The following PTPRK variants were observed in gnomAD, a reference collection of about 807,000 sequenced individuals.
PTPRK encodes receptor-type tyrosine-protein phosphatase kappa.
In PTPRK, 75 loss-of-function variants were observed where a neutral mutation model predicts 178.0. The observed-to-expected ratio is 0.42, with a 90% CI of 0.35 to 0.51. The LOEUF is 0.51. Among genes scored for constraint, PTPRK ranks in the 20% least tolerant of loss-of-function variants. The probability of loss-of-function intolerance (pLI) is 0.02; values close to 1 mark genes in which losing one functional copy is unlikely to be tolerated. For synonymous variants in PTPRK, 637 were observed against 620.6 expected, an observed-to-expected ratio of 1.03 and a Z score of -0.39; for missense variants, 1,441 against 1,797.8, an observed-to-expected ratio of 0.80 and a Z score of 3.59.
rs1286876168 is a variant in PTPRK, at chr6:128,152,443, T to A, written c.1162+31989A>T. 6.6e-5 allele frequency among the ~76,000 whole-genome samples: 10 copies of A among 151,818 alleles called. No individual in the cohort carries two copies. In the East Asian group the frequency reaches 1.6e-3, roughly 24 times the overall value. ...GAGGGATATCAGGGGAGAGGCACCC[T>A]AGCTGGAGTGAGTACACTGGTGAAA... is the stretch of plus-strand genomic sequence containing the variant. On this transcript the variant is annotated intron_variant, in intron 7 of 29. Transcript: ENST00000368226.
intron 6 of PTPRK, among the ~76,000 whole-genome samples, chr6:128,213,744 T>C (rs575751933): frequency 6.6e-6 from 1 of 152,126 alleles, no homozygotes; most frequent in East Asian, 1.9e-4. Flanking sequence ...TTGCTTCTTA[T>C]ATAAAAACAC....
At chr6:128,159,391 T>A (rs1488626431) in intron 7 of PTPRK, among the ~76,000 whole-genome samples, 1 of 151,842 alleles carries the variant, frequency 6.6e-6, no homozygotes, top group African/African-American at 2.4e-5. Context: ...GTGATTTTCA[T>A]CACCTTCTGG....
At chr6:128,308,026 A>C (rs1410814830) in intron 3 of PTPRK, among the ~76,000 whole-genome samples, 1 of 152,184 alleles carries the variant, frequency 6.6e-6, no homozygotes, top group Admixed American at 6.5e-5. Flanking sequence ...CAACCCAACT[A>C]TCCATAGACA....
At chr6:128,376,444 G>A (rs925807374) in intron 2 of PTPRK, among the ~76,000 whole-genome samples, 1 of 152,166 alleles carries the variant, frequency 6.6e-6, no homozygotes, top group African/African-American at 2.4e-5. Flanking sequence ...AGGTCCCTAG[G>A]CTGCACAGAG....
chr6:128,377,395 C>G (rs950502473), intron 2 of PTPRK, among the ~76,000 whole-genome samples: 1 of 152,098 alleles, frequency 6.6e-6, no homozygotes, highest in South Asian at 2.1e-4. Context: ...TTCACTAACA[C>G]GAGAATAGCA....
At chr6:128,214,445 T>C (rs1315276510) in intron 6 of PTPRK, among the ~76,000 whole-genome samples, 1 of 152,124 alleles carries the variant, frequency 6.6e-6, no homozygotes, top group Admixed American at 6.5e-5. Flanking sequence ...CTGAATAAAA[T>C]AAACAACTAA....
rs1281584848 is a variant in PTPRK at position 127,968,988 on chromosome 6, C to T, written c.*1239G>A. 7.9e-5 allele frequency: 12 copies of T among 152,152 alleles called. No individual in the cohort carries two copies. The highest frequency in any genetic ancestry group is 1.3e-4 in the Admixed American group (2 of 15,276). The allele number at this position is 152,152 out of a possible 1,614,324, so 9.4% of individuals were successfully genotyped here. A position where few individuals can be genotyped will look rare whatever the true frequency, so the allele number is the denominator to read the frequency against. ...TTCACTTAAGAATCCCATGACAATG[C>T]GCAAAACAGGAATCTGGCATTGATT... is the stretch of plus-strand genomic sequence containing the variant. On this transcript the variant is annotated 3_prime_UTR_variant, in exon 30 of 30. Coordinates refer to ENST00000368226, the MANE Select transcript of PTPRK (RefSeq NM_002844.4).
At chr6:128,390,815 C>T (rs1839440145) in intron 2 of PTPRK, among the ~76,000 whole-genome samples, 1 of 152,278 alleles carries the variant, frequency 6.6e-6, no homozygotes, top group Non-Finnish European at 1.5e-5. Flanking sequence ...TTAGAAGATA[C>T]ATGTCATGTC....
intron 1 of PTPRK, among the ~76,000 whole-genome samples, chr6:128,503,055 C>A (rs796296272): frequency 6.6e-6 from 1 of 152,046 alleles, no homozygotes; most frequent in Non-Finnish European, 1.5e-5. Context: ...GTGAAACCCC[C>A]GCCTCTACTA....
intron 7 of PTPRK, among the ~76,000 whole-genome samples, chr6:128,155,582 G>A (rs1294154461): frequency 6.6e-6 from 1 of 150,858 alleles, no homozygotes; most frequent in Non-Finnish European, 1.5e-5. Flanking sequence ...GTAACTGCAG[G>A]TTTTGCCATT....
chr6:128,279,428 A>G (rs1821330041), intron 3 of PTPRK, among the ~76,000 whole-genome samples: 1 of 152,308 alleles, frequency 6.6e-6, no homozygotes, highest in African/African-American at 2.4e-5. Context: ...AAAACACAAA[A>G]TAACTGGACT....
chr6:128,060,280 T>C (rs1465362650), intron 13 of PTPRK, among the ~76,000 whole-genome samples: 3 of 152,176 alleles, frequency 2.0e-5, no homozygotes, highest in Non-Finnish European at 4.4e-5. Flanking sequence ...TATTCAGAGC[T>C]ATTATTTCTA....
chr6:128,263,083 G>A (rs1486584525), intron 3 of PTPRK, among the ~76,000 whole-genome samples: 1 of 152,036 alleles, frequency 6.6e-6, no homozygotes, highest in Non-Finnish European at 1.5e-5. Context: ...GGAAGCGAGT[G>A]CTCACCCCAC....
chr6:128,488,351 C>T (rs1853270695), intron 1 of PTPRK, among the ~76,000 whole-genome samples: 1 of 152,204 alleles, frequency 6.6e-6, no homozygotes. Flanking sequence ...TCCCAAACCA[C>T]TGACTCAAAC....
intron 5 of PTPRK, 96 bp from the exon 6 acceptor site, chr6:128,219,192 G>A: frequency 1.7e-6 from 2 of 1,186,386 alleles, no homozygotes; most frequent in Admixed American, 2.6e-5. Flanking sequence ...AATTATTCTT[G>A]TTGCAAAAGA....
At chr6:128,124,200 C>T (rs976362597) in intron 7 of PTPRK, among the ~76,000 whole-genome samples, 4 of 151,962 alleles carry the variant, frequency 2.6e-5, no homozygotes, top group African/African-American at 9.7e-5. Context: ...TGCACCACCA[C>T]AACAAGCTAA....
chr6:128,132,950 T>G (rs142168917), intron 7 of PTPRK, among the ~76,000 whole-genome samples: 407 of 152,270 alleles, frequency 2.7e-3, no homozygotes, highest in African/African-American at 9.3e-3. Context: ...AGAAAGTCAC[T>G]CAAAAATTAC....
rs1449851125 is a variant in PTPRK, at chr6:128,242,560, T to G, written c.538A>C (p.Ile180Leu). 6.2e-7 allele frequency: 1 copy of G among 1,612,972 alleles called. No homozygotes were observed. The change falls in exon 4 of 30, where the codon ATT (isoleucine) becomes CTT (leucine). Residue 180 changes from isoleucine (I) to leucine (L), a missense_variant. Coordinates refer to ENST00000368226, the MANE Select transcript of PTPRK (RefSeq NM_002844.4). ...AEVSGGRSGY[I>L]AIDDIQVLSY... ...AGTACTTGGATGTCATCAATGGCAA[T>G]ATAACCACTTCTCCCTCCTGAGACT...
At chr6:128,295,915 C>T (rs1222500540) in intron 3 of PTPRK, among the ~76,000 whole-genome samples, 1 of 151,982 alleles carries the variant, frequency 6.6e-6, no homozygotes. Context: ...GTTGAAAAGG[C>T]TAAAAAAGAA....
Sources: gnomAD v4.1 joint callset for allele counts (sites outside exome capture counted in the v4.1 genomes callset) on GRCh38, gnomAD v4.1.1 for gene constraint, MANE v1.5 for transcripts, NCBI Gene and HGNC (gene_info 2026-07-23, HGNC 2026-07-21) for gene names.